PKN2: variants seen among roughly 807,000 people sequenced by gnomAD.
PKN2 encodes the protein protein kinase N2.
A neutral mutation model predicts 119.1 loss-of-function variants in PKN2; 38 were observed. That is an observed-to-expected ratio of 0.32 (90% CI 0.25 to 0.42). The LOEUF (loss-of-function observed/expected upper bound fraction) is 0.42. PKN2 is among the 10% of genes least tolerant of loss of function. The pLI is 1.00. For missense variants in PKN2, 850 were observed against 1,165.1 expected (o/e 0.73, Z 3.94); for synonymous variants, 390 against 384.9 (o/e 1.01, Z -0.15).
rs904768398 is a variant in PKN2 at position 88,780,809 on chromosome 1, TTAAAA to T, written c.986-3826_986-3822del. 1.8e-4 allele frequency among the ~76,000 whole-genome samples: 27 copies of T among 152,126 alleles called. 1 individual carries two copies. Among genetic ancestry groups the T allele is most frequent in the African/African-American group, 4.8e-4 (20 of 41,432 alleles). ...CAAGCATTTCTGAATGATCCATTGA[TTAAAA>T]TAAGGTTGTCAAATATTTTGAATAA... On this transcript the variant is annotated intron_variant, in intron 6 of 21. Coordinates refer to ENST00000370521, the MANE Select transcript of PKN2 (RefSeq NM_006256.4).
chr1:88,696,881 T>G (rs1350607242), intron 1 of PKN2, among the ~76,000 whole-genome samples: 3 of 152,162 alleles, frequency 2.0e-5, no homozygotes, highest in Non-Finnish European at 2.9e-5. Context: ...TATCTTACAC[T>G]CTGGAATATT....
chr1:88,770,520 T>A lies in PKN2; in HGVS notation c.622+51T>A, dbSNP rs773567291. 10 of 954,692 alleles carry A rather than the reference T, an allele frequency of 1.0e-5. No homozygotes were observed. In the South Asian group the frequency reaches 1.3e-4, roughly 12 times the overall value. 59.1% of individuals were successfully genotyped at this position (954,692 alleles called of 1,614,324 possible). A position where few individuals can be genotyped will look rare whatever the true frequency, so the allele number is the denominator to read the frequency against. ...TTATGAGCATAATGGTGCTAAATAA[T>A]CTTATGCAGGAACAGGGCAGTGGTT... On this transcript the variant is annotated intron_variant, in intron 4 of 21. Coordinates refer to ENST00000370521, the MANE Select transcript of PKN2 (RefSeq NM_006256.4).
intron 8 of PKN2, among the ~76,000 whole-genome samples, chr1:88,796,076 C>T (rs1570643826): frequency 1.3e-5 from 2 of 152,104 alleles, no homozygotes; most frequent in African/African-American, 2.4e-5. Flanking sequence ...CAGTTTGATC[C>T]CAGTGCTTTT....
At chr1:88,752,534 A>G (rs1049018359) in intron 2 of PKN2, among the ~76,000 whole-genome samples, 2 of 152,062 alleles carry the variant, frequency 1.3e-5, no homozygotes, top group Non-Finnish European at 2.9e-5. Context: ...CAGATTTGCT[A>G]TATTTTTAAA....
intron 2 of PKN2, among the ~76,000 whole-genome samples, chr1:88,753,911 T>C (rs1669100414): frequency 6.6e-6 from 1 of 152,148 alleles, no homozygotes; most frequent in African/African-American, 2.4e-5. Flanking sequence ...TCTTTTAACA[T>C]AAAGTAGCTG....
Position 88,828,356 on chromosome 1 carries a change from T to G in PKN2, c.2420-125T>G, listed in dbSNP as rs952609598. ...GTTTTCTTGAAATGTCTTAGATATG[T>G]CTGAATTTGTTCACCATGCACAAAT... On this transcript the variant is annotated intron_variant, in intron 18 of 21. Coordinates refer to ENST00000370521, the MANE Select transcript of PKN2 (RefSeq NM_006256.4). The G allele has an allele frequency of 6.6e-5, 47 of 706,916 alleles. No individual in the cohort carries two copies. In the African/African-American group the frequency reaches 8.2e-4, roughly 12 times the overall value. 43.8% of individuals were successfully genotyped at this position (706,916 alleles called of 1,614,324 possible).
At chr1:88,729,248 C>T (rs1668031489) in intron 1 of PKN2, among the ~76,000 whole-genome samples, 1 of 152,178 alleles carries the variant, frequency 6.6e-6, no homozygotes, top group Non-Finnish European at 1.5e-5. Flanking sequence ...TAGGAGTCCA[C>T]AGAAAGTAAT....
At chr1:88,822,467 C>A (rs1299905290) in intron 17 of PKN2, among the ~76,000 whole-genome samples, 1 of 152,108 alleles carries the variant, frequency 6.6e-6, no homozygotes, top group South Asian at 2.1e-4. Context: ...TAATTCGTGG[C>A]CCAGCAGCTA....
intron 8 of PKN2, among the ~76,000 whole-genome samples, chr1:88,799,311 C>T (rs1270608306): frequency 2.0e-5 from 3 of 152,228 alleles, no homozygotes; most frequent in Non-Finnish European, 4.4e-5. Flanking sequence ...CTGTATTTCT[C>T]ATCCTCCCAT....
chr1:88,814,057 A>G (rs1261962349), intron 16 of PKN2, among the ~76,000 whole-genome samples: 1 of 152,312 alleles, frequency 6.6e-6, no homozygotes, highest in East Asian at 1.9e-4. Flanking sequence ...AAGACAGATT[A>G]TACTCAAAAT....
intron 18 of PKN2, among the ~76,000 whole-genome samples, chr1:88,826,596 CT>C (rs1672510256): frequency 6.6e-6 from 1 of 152,094 alleles, no homozygotes; most frequent in Non-Finnish European, 1.5e-5. Flanking sequence ...CCTCCTCACC[CT>C]TCTGAGTCTT....
chr1:88,686,441 G>A (rs1666104481), intron 1 of PKN2, among the ~76,000 whole-genome samples: 1 of 152,008 alleles, frequency 6.6e-6, no homozygotes, highest in South Asian at 2.1e-4. Flanking sequence ...TAACAAGGAA[G>A]CAAGCAAAGA....
intron 1 of PKN2, among the ~76,000 whole-genome samples, chr1:88,689,391 A>T (rs933745234): frequency 6.6e-6 from 1 of 152,192 alleles, no homozygotes; most frequent in Admixed American, 6.5e-5. Flanking sequence ...GAGAATTTTA[A>T]GATAGAAATC....
chr1:88,770,528 A>G (rs1669843764), intron 4 of PKN2, 59 bp downstream of exon 4: 4 of 900,688 alleles, frequency 4.4e-6, no homozygotes, highest in South Asian at 2.6e-5. Flanking sequence ...AATCTTATGC[A>G]GGAACAGGGC....
intron 1 of PKN2, among the ~76,000 whole-genome samples, chr1:88,723,703 CT>C (rs1416082135): frequency 1.3e-5 from 2 of 152,006 alleles, no homozygotes; most frequent in Non-Finnish European, 2.9e-5. Flanking sequence ...TCCAGGTATC[CT>C]TTTTATGTTT....
chr1:88,707,246 A>G (rs552299769), intron 1 of PKN2, among the ~76,000 whole-genome samples: 1 of 152,086 alleles, frequency 6.6e-6, no homozygotes, highest in East Asian at 1.9e-4. Context: ...TTTTTTTGAC[A>G]TTCTTCATCT....
intron 6 of PKN2, among the ~76,000 whole-genome samples, chr1:88,784,272 C>T (rs1670479402): frequency 2.0e-5 from 3 of 151,582 alleles, no homozygotes; most frequent in African/African-American, 4.9e-5. Flanking sequence ...TACAGGCGCA[C>T]ACCGCCTCGC....
intron 1 of PKN2, among the ~76,000 whole-genome samples, chr1:88,705,506 A>T (rs2100673776): frequency 6.6e-6 from 1 of 150,908 alleles, no homozygotes; most frequent in South Asian, 2.1e-4. Flanking sequence ...CATCCTGCTA[A>T]CACAGTGAAA....
At chr1:88,797,352 A>G (rs1421684628) in intron 8 of PKN2, among the ~76,000 whole-genome samples, 1 of 151,446 alleles carries the variant, frequency 6.6e-6, no homozygotes, top group Non-Finnish European at 1.5e-5. Context: ...AAAAAAAGAA[A>G]GAAAATGTCT....
Sources: gnomAD v4.1 joint callset for allele counts (sites outside exome capture counted in the v4.1 genomes callset) on GRCh38, gnomAD v4.1.1 for gene constraint, MANE v1.5 for transcripts, NCBI Gene and HGNC (gene_info 2026-07-23, HGNC 2026-07-21) for gene names.